INTS9: variants seen among roughly 807,000 people sequenced by gnomAD.
The protein encoded by INTS9 is integrator complex subunit 9.
In INTS9, 55 loss-of-function variants were observed where a neutral mutation model predicts 79.7. The observed-to-expected ratio is 0.69, with a 90% CI of 0.56 to 0.86. The LOEUF (loss-of-function observed/expected upper bound fraction) is 0.86. Ranked by LOEUF, INTS9 falls within the 40% of genes least tolerant of loss-of-function variation. The pLI is 0.00. For missense variants in INTS9, 721 were observed against 831.5 expected (o/e 0.87, Z 1.64); for synonymous variants, 319 against 325.2 (o/e 0.98, Z 0.20).
chr8:28,783,213 G>A (rs897439442), intron 11 of INTS9, among the ~76,000 whole-genome samples: 5 of 150,302 alleles, frequency 3.3e-5, no homozygotes, highest in African/African-American at 9.8e-5. Context: ...TCAAGTGTAC[G>A]TGTTGAACCA....
At chr8:28,851,311 C>T (rs1437111898) in intron 2 of INTS9, among the ~76,000 whole-genome samples, 2 of 151,988 alleles carry the variant, frequency 1.3e-5, no homozygotes, top group African/African-American at 4.8e-5. Flanking sequence ...AACACAAAAG[C>T]ATAAATATGT....
Position 28,768,335 on chromosome 8 carries a change from A to G in INTS9, c.1801-13T>C, listed in dbSNP as rs765704629. ...CACTGAAGCCATGCTGCTCCAGAAG[A>G]AAAGAAAGAGGTGGGCTGGGCAGAC... On this transcript the variant is annotated splice_polypyrimidine_tract_variant and intron_variant, in intron 16 of 16. Transcript: ENST00000521022. The G allele has an allele frequency of 6.2e-7, 1 of 1,611,956 alleles. No homozygotes were observed. The highest frequency in any genetic ancestry group is 8.5e-7 in the Non-Finnish European group (1 of 1,179,854).
At chr8:28,874,985 C>A (rs1327136405) in intron 1 of INTS9, among the ~76,000 whole-genome samples, 1 of 152,198 alleles carries the variant, frequency 6.6e-6, no homozygotes, top group Non-Finnish European at 1.5e-5. Context: ...TCACATCTTA[C>A]ATGGATGTCA....
intron 11 of INTS9, among the ~76,000 whole-genome samples, chr8:28,782,637 T>A (rs1803348882): frequency 6.6e-6 from 1 of 152,230 alleles, no homozygotes; most frequent in Non-Finnish European, 1.5e-5. Context: ...AGAAATGGGC[T>A]AGGCACAATG....
At position 28,835,280 on chromosome 8, in the gene INTS9, T is replaced by C; in HGVS notation, c.488+12A>G. The C allele has an allele frequency of 6.2e-7, 1 of 1,602,164 alleles. No homozygotes were observed. The highest frequency in any genetic ancestry group is 1.7e-5 in the Admixed American group (1 of 59,748). ...CTACAGTCTCTCGGTAAGAGAGTGG[T>C]CTGTTCCTCACCTCTGAATGTCCTT... On this transcript the variant is annotated intron_variant, in intron 6 of 16. Transcript: ENST00000521022.
intron 11 of INTS9, among the ~76,000 whole-genome samples, chr8:28,781,296 G>A (rs148445402): frequency 8.7e-4 from 133 of 152,214 alleles, no homozygotes; most frequent in African/African-American, 2.8e-3. Flanking sequence ...GCTCCACACC[G>A]TATGTCATTA....
chr8:28,844,250 T>C (rs1273916297), intron 4 of INTS9, among the ~76,000 whole-genome samples: 1 of 152,222 alleles, frequency 6.6e-6, no homozygotes, highest in East Asian at 1.9e-4. Context: ...TTTTGATAAA[T>C]TTTAACTTTT....
chr8:28,833,125 G>A (rs118077840), intron 6 of INTS9, among the ~76,000 whole-genome samples: 3 of 152,112 alleles, frequency 2.0e-5, no homozygotes, highest in East Asian at 3.8e-4. Context: ...CTCAAGCTCC[G>A]AAATAGTCAC....
chr8:28,809,703 A>C (rs370185128), intron 8 of INTS9, among the ~76,000 whole-genome samples: 1 of 152,230 alleles, frequency 6.6e-6, no homozygotes, highest in Non-Finnish European at 1.5e-5. Flanking sequence ...ATGGAAGAAC[A>C]TATCAGGAAC....
At chr8:28,875,832 A>G (rs1463690858) in intron 1 of INTS9, among the ~76,000 whole-genome samples, 1 of 152,240 alleles carries the variant, frequency 6.6e-6, no homozygotes, top group East Asian at 1.9e-4. Context: ...TTTATGTCTC[A>G]GAGCACTGAG....
intron 11 of INTS9, among the ~76,000 whole-genome samples, chr8:28,785,543 C>T (rs241189): frequency 0.68 from 102,966 of 152,084 alleles, 35,254 homozygotes; most frequent in Non-Finnish European, 0.73. Flanking sequence ...GTTCCAGTGA[C>T]CTCAGATGTG....
At chr8:28,830,796 T>C (rs1237187122) in intron 6 of INTS9, among the ~76,000 whole-genome samples, 1 of 152,146 alleles carries the variant, frequency 6.6e-6, no homozygotes, top group Non-Finnish European at 1.5e-5. Context: ...TAACTATGGC[T>C]CATCTCATGC....
intron 8 of INTS9, among the ~76,000 whole-genome samples, chr8:28,797,135 G>T (rs1226848034): frequency 6.6e-6 from 1 of 152,196 alleles, no homozygotes; most frequent in African/African-American, 2.4e-5. Context: ...TTGGGGTGGG[G>T]CCTGAGAATC....
intron 1 of INTS9, among the ~76,000 whole-genome samples, chr8:28,886,393 A>G (rs1327708208): frequency 1.3e-5 from 2 of 150,842 alleles, no homozygotes; most frequent in Non-Finnish European, 3.0e-5. Context: ...GACTACAGGC[A>G]CATGCCACGA....
chr8:28,841,905 G>C (rs1807207559), intron 4 of INTS9, among the ~76,000 whole-genome samples: 2 of 152,272 alleles, frequency 1.3e-5, no homozygotes, highest in South Asian at 4.1e-4. Context: ...GGTCAACATA[G>C]TGAGACCATG....
At chr8:28,884,605 T>C (rs1417452769) in intron 1 of INTS9, among the ~76,000 whole-genome samples, 1 of 152,236 alleles carries the variant, frequency 6.6e-6, no homozygotes, top group South Asian at 2.1e-4. Context: ...GAGAAAGGTA[T>C]GTAACTTAGC....
chr8:28,801,329 A>C (rs1268698472), intron 8 of INTS9, among the ~76,000 whole-genome samples: 1 of 152,054 alleles, frequency 6.6e-6, no homozygotes, highest in African/African-American at 2.4e-5. Context: ...CTCTACAAAA[A>C]ATACAAAAAA....
intron 3 of INTS9, chr8:28,850,000 A>C (rs544734983): frequency 2.4e-6 from 1 of 414,548 alleles, no homozygotes; most frequent in South Asian, 7.6e-5. Flanking sequence ...CACATGAGCA[A>C]AATGGATCTG....
In INTS9 at chr8:28,821,759, GT is replaced by G. The variant is rs568600213; in HGVS notation, c.489-8148del. ...GTTTTGTGTGTTTTGATATCTGTGG[GT>G]TTTTTTTTTTTTCGCTGCTGTTGTT... On this transcript the variant is annotated intron_variant, in intron 6 of 16. Transcript: ENST00000521022. Among the ~76,000 whole-genome samples the G allele has an allele frequency of 2.1e-3, 291 of 141,658 alleles. 2 individuals carry two copies. The highest frequency in any genetic ancestry group is 0.019 in the East Asian group (96 of 4,956). 92.9% of individuals were successfully genotyped at this position (141,658 alleles called of 152,430 possible). A position where few individuals can be genotyped will look rare whatever the true frequency, so the allele number is the denominator to read the frequency against.
Sources: gnomAD v4.1 joint callset for allele counts (sites outside exome capture counted in the v4.1 genomes callset) on GRCh38, gnomAD v4.1.1 for gene constraint, MANE v1.5 for transcripts, NCBI Gene and HGNC (gene_info 2026-07-23, HGNC 2026-07-21) for gene names.